The following EBF1 variants were observed in gnomAD, a reference collection of about 807,000 sequenced individuals.
EBF1 encodes EBF transcription factor 1.
A neutral mutation model predicts 68.4 loss-of-function variants in EBF1; 10 were observed. The ratio of observed to expected loss-of-function variants is 0.15; its 90% CI spans 0.09 to 0.25. The LOEUF (loss-of-function observed/expected upper bound fraction) is 0.25, where lower values mean the gene tolerates loss of function less well. Ranked by LOEUF, EBF1 falls within the 10% of genes least tolerant of loss-of-function variation. EBF1 has a pLI of 1.00. For synonymous variants in EBF1, 298 were observed against 299.8 expected (o/e 0.99, Z 0.06); for missense variants, 509 against 794.4 (o/e 0.64, Z 4.32).
rs534374216 is a variant in EBF1 at position 158,840,645 on chromosome 5, G to GTTTTT, written c.555-540_555-536dup. Among the ~76,000 whole-genome samples, 297 of 64,824 alleles carry GTTTTT rather than the reference G, an allele frequency of 4.6e-3. 44 individuals are homozygous for GTTTTT. The highest frequency in any genetic ancestry group is 6.4e-3 in the Admixed American group (25 of 3,928). The allele number at this position is 64,824 out of a possible 152,430, so 42.5% of individuals were successfully genotyped here. On this transcript the variant is annotated intron_variant, in intron 6 of 15. Coordinates refer to ENST00000313708, the MANE Select transcript of EBF1 (RefSeq NM_024007.5). ...TCCTTTGACTTCTCAAATACCTCCTGTTTTTTTTTTTTTTTTTTTTTTTTT... is the reference window on the plus strand; with the variant it reads ...TCCTTTGACTTCTCAAATACCTCCTGTTTTTTTTTTTTTTTTTTTTTTTTTTTTTT...
chr5:158,780,886 C>T (rs921047305), intron 9 of EBF1, among the ~76,000 whole-genome samples: 3 of 152,110 alleles, frequency 2.0e-5, no homozygotes, highest in African/African-American at 7.2e-5. Flanking sequence ...TACCAAGGAC[C>T]CATGCCCCAT....
At chr5:158,897,926 G>A (rs1477965782) in intron 6 of EBF1, among the ~76,000 whole-genome samples, 1 of 152,166 alleles carries the variant, frequency 6.6e-6, no homozygotes, top group Non-Finnish European at 1.5e-5. Context: ...CTGTGAGGAG[G>A]AAATGAGACA....
chr5:159,050,647 G>A (rs2127814272), intron 6 of EBF1, among the ~76,000 whole-genome samples: 1 of 152,316 alleles, frequency 6.6e-6, no homozygotes, highest in African/African-American at 2.4e-5. Context: ...AAGCATGTTT[G>A]TAACATACTT....
intron 8 of EBF1, among the ~76,000 whole-genome samples, chr5:158,808,726 G>A (rs561340504): frequency 3.5e-4 from 53 of 152,142 alleles, no homozygotes; most frequent in Non-Finnish European, 6.8e-4. Context: ...ACGAAGAGGA[G>A]GAGGAAGAAG....
At chr5:159,003,726 C>A (rs1305100200) in intron 6 of EBF1, among the ~76,000 whole-genome samples, 1 of 152,228 alleles carries the variant, frequency 6.6e-6, no homozygotes, top group East Asian at 1.9e-4. Context: ...AAGCCATGTG[C>A]TCAAACTTCA....
At chr5:159,007,431 A>G (rs1335165346) in intron 6 of EBF1, among the ~76,000 whole-genome samples, 5 of 152,216 alleles carry the variant, frequency 3.3e-5, no homozygotes, top group Non-Finnish European at 5.9e-5. Context: ...TGTTAAAATC[A>G]ACATTTAAAT....
intron 6 of EBF1, among the ~76,000 whole-genome samples, chr5:158,877,132 TTCCCACAGTTCCAA>T (rs1384914041): frequency 1.3e-5 from 2 of 152,304 alleles, no homozygotes; most frequent in African/African-American, 2.4e-5. Flanking sequence ...CACTTCAGTT[TTCCCACAGTTCCAA>T]GCCCACAGTT....
intron 9 of EBF1, among the ~76,000 whole-genome samples, chr5:158,795,705 A>T (rs1029315150): frequency 6.6e-6 from 1 of 152,182 alleles, no homozygotes; most frequent in Non-Finnish European, 1.5e-5. Flanking sequence ...AGACAAGTCA[A>T]CTGGTAGGTT....
chr5:158,937,852 G>A (rs970309065), intron 6 of EBF1, among the ~76,000 whole-genome samples: 13 of 152,156 alleles, frequency 8.5e-5, no homozygotes, highest in African/African-American at 2.7e-4. Flanking sequence ...ACCCACTGGC[G>A]AGAGCCTGAA....
chr5:159,071,056 G>A (rs531471488), intron 6 of EBF1, among the ~76,000 whole-genome samples: 40 of 152,024 alleles, frequency 2.6e-4, no homozygotes, highest in African/African-American at 9.2e-4. Context: ...CTCTTCTCTC[G>A]CTGTTAAGAA....
chr5:158,845,075 T>C (rs10077799), intron 6 of EBF1, among the ~76,000 whole-genome samples: 9,214 of 152,206 alleles, frequency 0.061, 330 homozygotes, highest in Non-Finnish European at 0.069. Context: ...TTTTAAAAAA[T>C]CATCCCTGCA....
chr5:158,909,609 C>T (rs761387698), intron 6 of EBF1, among the ~76,000 whole-genome samples: 10 of 152,022 alleles, frequency 6.6e-5, no homozygotes, highest in Admixed American at 6.5e-5. Flanking sequence ...GGGGCACTGG[C>T]CATTATGAGA....
intron 6 of EBF1, among the ~76,000 whole-genome samples, chr5:158,926,364 A>G (rs1809689572): frequency 6.6e-6 from 1 of 152,214 alleles, no homozygotes; most frequent in African/African-American, 2.4e-5. Context: ...ATAAGAAACA[A>G]TGACATCACC....
intron 4 of EBF1, among the ~76,000 whole-genome samples, chr5:159,089,541 C>T (rs1000590390): frequency 6.6e-6 from 1 of 152,096 alleles, no homozygotes; most frequent in Non-Finnish European, 1.5e-5. Context: ...GATCACACTT[C>T]AATAGGATGC....
At chr5:158,890,272 T>C (rs914562937) in intron 6 of EBF1, among the ~76,000 whole-genome samples, 1 of 152,268 alleles carries the variant, frequency 6.6e-6, no homozygotes, top group Non-Finnish European at 1.5e-5. Flanking sequence ...TCCTGCTGTC[T>C]GGCCACTAGG....
At chr5:158,889,786 G>A (rs1290231656) in intron 6 of EBF1, among the ~76,000 whole-genome samples, 2 of 152,022 alleles carry the variant, frequency 1.3e-5, no homozygotes, top group Non-Finnish European at 2.9e-5. Flanking sequence ...TTCTGCAGTT[G>A]GTCCTCCTTA....
chr5:158,863,310 G>A (rs138969712), intron 6 of EBF1, among the ~76,000 whole-genome samples: 14 of 151,892 alleles, frequency 9.2e-5, no homozygotes, highest in African/African-American at 1.2e-4. Context: ...AGTTCCTCCC[G>A]ACAGGAATAG....
In EBF1 at chr5:158,868,577, T is replaced by C. The variant is rs39879; in HGVS notation, c.555-28467A>G. 3.3e-5 allele frequency among the ~76,000 whole-genome samples: 5 copies of C among 152,212 alleles called. No individual in the cohort carries two copies. In the East Asian group the frequency reaches 9.6e-4, roughly 29 times the overall value. ...ACAGTGAAGAAAGGGCAGTGCTTTT[T>C]TGTTATGTGAAAACTGAGCAACGTC... On this transcript the variant is annotated intron_variant, in intron 6 of 15. Transcript: ENST00000313708.
intron 6 of EBF1, among the ~76,000 whole-genome samples, chr5:159,004,664 A>G (rs2127658064): frequency 6.6e-6 from 1 of 152,232 alleles, no homozygotes; most frequent in South Asian, 2.1e-4. Flanking sequence ...AATGAATTCC[A>G]TGTTTCCCTA....
Sources: allele counts gnomAD v4.1 joint callset (sites outside exome capture counted in the v4.1 genomes callset), GRCh38; gene constraint gnomAD v4.1.1; transcripts MANE v1.5; gene names NCBI Gene and HGNC (gene_info 2026-07-23, HGNC 2026-07-21).